The following NEUROG2 variants were observed in gnomAD, a reference collection of about 807,000 sequenced individuals.
NEUROG2 encodes neurogenin-2.
NEUROG2 carries 1 observed loss-of-function variant against 2.8 expected under a neutral mutation model. The observed-to-expected ratio is 0.36, with a 90% confidence interval of 0.13 to 1.71. The LOEUF (loss-of-function observed/expected upper bound fraction) is 1.71, where lower values mean the gene tolerates loss of function less well. Among genes scored for constraint, NEUROG2 ranks in the 40% most tolerant of loss-of-function variants. The pLI is 0.34. For synonymous variants in NEUROG2, 211 were observed against 187.7 expected (o/e 1.12, Z -1.01); for missense variants, 397 against 392.7 (o/e 1.01, Z -0.09).
In NEUROG2 at chr4:112,515,007, C is replaced by T. The variant is rs1736398853; in HGVS notation, c.469G>A (p.Ala157Thr). 1.2e-6 allele frequency: 2 copies of T among 1,613,696 alleles called. No homozygotes were observed. Among genetic ancestry groups the T allele is most frequent in the Non-Finnish European group, 1.7e-6 (2 of 1,179,894 alleles). Residue 157 changes from alanine (A) to threonine (T), a missense_variant, in exon 2 of 2, where the codon GCC (alanine) becomes ACC (threonine). Transcript: ENST00000313341. ...KLTKIETLRF[A>T]HNYIWALTET... is the part of the protein sequence containing the mutation. ...GTGAGTGCCCAGATGTAGTTGTGGGCGAAGCGCAGGGTCTCGATCTTGGTG... is the reference window on the plus strand; with the variant it reads ...GTGAGTGCCCAGATGTAGTTGTGGGTGAAGCGCAGGGTCTCGATCTTGGTG...
Position 112,515,180 on chromosome 4 carries a change from C to A in NEUROG2, c.296G>T (p.Gly99Val), listed in dbSNP as rs748184997. 1 of 1,612,534 alleles carries A rather than the reference C, an allele frequency of 6.2e-7. No homozygotes were observed. Among genetic ancestry groups the A allele is most frequent in the South Asian group, 1.1e-5 (1 of 91,080 alleles). The change falls in exon 2 of 2, where the codon GGC (glycine) becomes GTC (valine). Residue 99 changes from glycine to valine, a missense_variant. Physicochemically the swap from Gly to Val is moderately radical, Grantham distance 109 (BLOSUM62 -3). Coordinates refer to ENST00000313341, the MANE Select transcript of NEUROG2 (RefSeq NM_024019.4). ...CTGCACCGTCTCGGCCGTCTTGGCG[C>A]CTCGGGAGACGGCCCGCGCCCGGGA... ...RPSRARAVSR[G>V]AKTAETVQRI...
Position 112,514,267 on chromosome 4 carries a change from C to G in NEUROG2, c.*390G>C, listed in dbSNP as rs1212761924. On this transcript the variant is annotated 3_prime_UTR_variant, in exon 2 of 2. Coordinates refer to ENST00000313341, the MANE Select transcript of NEUROG2 (RefSeq NM_024019.4). ...AGATCACAGGAACCAGTTGCATTCC[C>G]CCTGTGAGATTCACACGAACTGCAC... is the stretch of plus-strand genomic sequence containing the variant. 4.9e-6 allele frequency: 1 copy of G among 203,156 alleles called. No homozygotes were observed. Among genetic ancestry groups the G allele is most frequent in the Non-Finnish European group, 9.8e-6 (1 of 102,078 alleles). The allele number at this position is 203,156 out of a possible 1,614,324, so 12.6% of individuals were successfully genotyped here. A position where few individuals can be genotyped will look rare whatever the true frequency, so the allele number is the denominator to read the frequency against.
chr4:112,515,247 C>T lies in NEUROG2; in HGVS notation c.229G>A (p.Ala77Thr). 5.1e-6 allele frequency: 8 copies of T among 1,583,934 alleles called. No individual in the cohort carries two copies. Among genetic ancestry groups the T allele is most frequent in the Non-Finnish European group, 6.8e-6 (8 of 1,172,224 alleles). Residue 77 changes from alanine (A) to threonine (T), a missense_variant, in exon 2 of 2, where the codon GCA becomes ACA. By Grantham distance (58) the Ala-to-Thr change is moderately conservative. Coordinates refer to ENST00000313341, the MANE Select transcript of NEUROG2 (RefSeq NM_024019.4). ...TCGTGTACCAGACCCAGCAGCCGTGCGGGCCGGCAGCCCTCCGCACCCGCA... is the reference window on the plus strand; with the variant it reads ...TCGTGTACCAGACCCAGCAGCCGTGTGGGCCGGCAGCCCTCCGCACCCGCA... ...VAAGAEGCRP[A>T]RLLGLVHDCK...
rs1419139381 is a variant in NEUROG2 at position 112,514,258 on chromosome 4, T to C, written c.*399A>G. On this transcript the variant is annotated 3_prime_UTR_variant, in exon 2 of 2. Coordinates refer to ENST00000313341, the MANE Select transcript of NEUROG2 (RefSeq NM_024019.4). ...AAGGTGAAGAGATCACAGGAACCAGTTGCATTCCCCCTGTGAGATTCACAC... is the reference window on the plus strand; with the variant it reads ...AAGGTGAAGAGATCACAGGAACCAGCTGCATTCCCCCTGTGAGATTCACAC... 2.0e-5 allele frequency: 4 copies of C among 195,380 alleles called. No individual in the cohort carries two copies. Among genetic ancestry groups the C allele is most frequent in the Admixed American group, 1.2e-4 (2 of 16,368 alleles). The allele number at this position is 195,380 out of a possible 1,614,324, so 12.1% of individuals were successfully genotyped here.
chr4:112,515,089 G>A lies in NEUROG2; in HGVS notation c.387C>T (p.Asn129=). The change falls in exon 2 of 2, where the codon AAC becomes AAT. Residue 129 remains asparagine (N), a synonymous_variant. Transcript: ENST00000313341. ...NRERNRMHNL[N]AALDALREVL... is the part of the protein sequence containing the mutation. ...CCTCGCGCAGCGCGTCCAGTGCCGC[G>A]TTGAGGTTGTGCATGCGGTTTCGCT... The A allele has an allele frequency of 1.2e-6, 2 of 1,614,032 alleles. No individual in the cohort carries two copies. Among genetic ancestry groups the A allele is most frequent in the Non-Finnish European group, 1.7e-6 (2 of 1,179,938 alleles).
Position 112,514,294 on chromosome 4 carries a change from A to T in NEUROG2, c.*363T>A. On this transcript the variant is annotated 3_prime_UTR_variant, in exon 2 of 2. Transcript: ENST00000313341. ...CTGTGAGATTCACACGAACTGCACC[A>T]AGTCCTTCGGCGTTAAAGAGAAAGG... 1 of 229,548 alleles carries T rather than the reference A, an allele frequency of 4.4e-6. No homozygotes were observed. The allele number at this position is 229,548 out of a possible 1,614,324, so 14.2% of individuals were successfully genotyped here.
chr4:112,515,123 T>A lies in NEUROG2; in HGVS notation c.353A>T (p.Asn118Ile). 6.2e-7 allele frequency: 1 copy of A among 1,613,912 alleles called. No homozygotes were observed. ...GTGCATGCGGTTTCGCTCGCGGTTG[T>A]TGGCCTTCAGTCTACGGGTCTTCTT... is the stretch of plus-strand genomic sequence containing the variant. ...RIKKTRRLKA[N>I]NRERNRMHNL... Residue 118 changes from asparagine (N) to isoleucine (I), a missense_variant, in exon 2 of 2, where the codon AAC (asparagine) becomes ATC (isoleucine). Asn to Ile is a moderately radical substitution (Grantham distance 149). Transcript: ENST00000313341.
Position 112,514,892 on chromosome 4 carries a change from C to A in NEUROG2, c.584G>T (p.Gly195Val). 1 of 1,601,776 alleles carries A rather than the reference C, an allele frequency of 6.2e-7. No homozygotes were observed. The highest frequency in any genetic ancestry group is 1.1e-5 in the South Asian group (1 of 89,910). Residue 195 changes from glycine (G) to valine (V), a missense_variant, in exon 2 of 2, where the codon GGA becomes GTA. Transcript: ENST00000313341. ...LFSEAVLLSP[G>V]GASAALSSSG... The stretch of plus-strand genomic sequence containing the variant: ...GCTGCTCAGGGCGGCGCTGGCTCCT[C>A]CCGGGCTCAGCAACACTGCCTCGGA...
At chr4:112,515,587 C>T (rs920148607) in intron 1 of NEUROG2, 111 bp from the exon 2 acceptor site, 5 of 889,926 alleles carry the variant, frequency 5.6e-6, no homozygotes, top group Non-Finnish European at 7.9e-6. Context: ...AGACCAGCTC[C>T]GAATGGCGCG....
Position 112,515,860 on chromosome 4 carries a change from A to T in NEUROG2, c.-15T>A, listed in dbSNP as rs921604752. The T allele has an allele frequency of 6.3e-6, 1 of 158,554 alleles. No individual in the cohort carries two copies. The highest frequency in any genetic ancestry group is 2.4e-5 in the African/African-American group (1 of 41,698). 9.8% of individuals were successfully genotyped at this position (158,554 alleles called of 1,614,324 possible). The stretch of plus-strand genomic sequence containing the variant: ...TCGAATACTTACTTAGTTGGCTCTA[A>T]CTGTGCCTCAGCGTTGCTGTGACTT... On this transcript the variant is annotated 5_prime_UTR_variant, in exon 1 of 2. Transcript: ENST00000313341.
rs1736385364 is a variant in NEUROG2 at position 112,514,702 on chromosome 4, C to T, written c.774G>A (p.Lys258=). ...TGGGGAGGTGAGGTGCATAGCGGTGCTTGTCGGGAGGTGGGGGCTGCCAAT... is the reference window on the plus strand; with the variant it reads ...TGGGGAGGTGAGGTGCATAGCGGTGTTTGTCGGGAGGTGGGGGCTGCCAAT... ...MDYWQPPPPD[K]HRYAPHLPIA... is the part of the protein sequence containing the mutation. Residue 258 remains lysine (K), a synonymous_variant, in exon 2 of 2, where the codon AAG becomes AAA. Transcript: ENST00000313341. 2 of 1,517,928 alleles carry T rather than the reference C, an allele frequency of 1.3e-6. No homozygotes were observed. The highest frequency in any genetic ancestry group is 1.4e-5 in the African/African-American group (1 of 71,372). The allele number at this position is 1,517,928 out of a possible 1,614,324, so 94.0% of individuals were successfully genotyped here.
At position 112,515,335 on chromosome 4, in the gene NEUROG2, C is replaced by T; in HGVS notation, c.141G>A (p.Ala47=). ...CGCGCTGCCGACGCGCCCCGCCTGACGCGCCCGGCTCCTCCTCCTCTTCTT... is the reference window on the plus strand; with the variant it reads ...CGCGCTGCCGACGCGCCCCGCCTGATGCGCCCGGCTCCTCCTCCTCTTCTT... ...ADEEEEEEPG[A]SGGARRQRGA... is the part of the protein sequence containing the mutation. Residue 47 remains alanine, a synonymous_variant, in exon 2 of 2, where the codon GCG becomes GCA. Coordinates refer to ENST00000313341, the MANE Select transcript of NEUROG2 (RefSeq NM_024019.4). 2 of 1,442,452 alleles carry T rather than the reference C, an allele frequency of 1.4e-6. No individual in the cohort carries two copies. The highest frequency in any genetic ancestry group is 1.8e-6 in the Non-Finnish European group (2 of 1,102,060). The allele number at this position is 1,442,452 out of a possible 1,614,324, so 89.4% of individuals were successfully genotyped here. A position where few individuals can be genotyped will look rare whatever the true frequency, so the allele number is the denominator to read the frequency against.
In NEUROG2 at chr4:112,514,982, G is replaced by T; in HGVS notation, c.494C>A (p.Thr165Asn). The change falls in exon 2 of 2, where the codon ACC (threonine) becomes AAC (asparagine). Residue 165 changes from threonine (T) to asparagine (N), a missense_variant. Coordinates refer to ENST00000313341, the MANE Select transcript of NEUROG2 (RefSeq NM_024019.4). The part of the protein sequence containing the change: ...RFAHNYIWAL[T>N]ETLRLADHCG... ...GTGATCCGCCAGGCGCAGGGTCTCG[G>T]TGAGTGCCCAGATGTAGTTGTGGGC... 6.2e-7 allele frequency: 1 copy of T among 1,613,742 alleles called. No homozygotes were observed.
At chr4:112,515,741 G>A (rs1736430440) in intron 1 of NEUROG2, 106 bp downstream of exon 1, 1 of 310,564 alleles carries the variant, frequency 3.2e-6, no homozygotes, top group Non-Finnish European at 5.9e-6. Flanking sequence ...AGGGACTGCG[G>A]CCTCCGCGAC....
Position 112,515,201 on chromosome 4 carries a change from C to A in NEUROG2, c.275G>T (p.Arg92Leu). 1 of 1,609,644 alleles carries A rather than the reference C, an allele frequency of 6.2e-7. No homozygotes were observed. Among genetic ancestry groups the A allele is most frequent in the Non-Finnish European group, 8.5e-7 (1 of 1,179,626 alleles). Residue 92 changes from arginine (R) to leucine (L), a missense_variant, in exon 2 of 2, where the codon CGG becomes CTG. Arg to Leu is a moderately radical substitution (Grantham distance 102). Transcript: ENST00000313341. ...GGCGCCTCGGGAGACGGCCCGCGCC[C>A]GGGAAGGGCGCCGTTTGCAATCGTG... ...LVHDCKRRPS[R>L]ARAVSRGAKT...
In NEUROG2 at chr4:112,515,866, C is replaced by T; in HGVS notation, c.-21G>A. 6.4e-6 allele frequency: 1 copy of T among 157,380 alleles called. No homozygotes were observed. Among genetic ancestry groups the T allele is most frequent in the South Asian group, 2.0e-4 (1 of 5,090 alleles). 9.7% of individuals were successfully genotyped at this position (157,380 alleles called of 1,614,324 possible). On this transcript the variant is annotated 5_prime_UTR_variant, in exon 1 of 2. Transcript: ENST00000313341. ...ACTTACTTAGTTGGCTCTAACTGTG[C>T]CTCAGCGTTGCTGTGACTTTGGCCT...
chr4:112,514,535 C>A lies in NEUROG2; in HGVS notation c.*122G>T. The A allele has an allele frequency of 2.7e-6, 2 of 742,236 alleles. No homozygotes were observed. Among genetic ancestry groups the A allele is most frequent in the Non-Finnish European group, 4.1e-6 (2 of 493,510 alleles). 46.0% of individuals were successfully genotyped at this position (742,236 alleles called of 1,614,324 possible). On this transcript the variant is annotated 3_prime_UTR_variant, in exon 2 of 2. Coordinates refer to ENST00000313341, the MANE Select transcript of NEUROG2 (RefSeq NM_024019.4). ...CGAGGAATCAGAAAGGCTACACCTG[C>A]CCTGTGAAGTGAGATGGTTTCCAGG...
rs1385307904 is a variant in NEUROG2 at position 112,514,334 on chromosome 4, C to A, written c.*323G>T. 6.9e-6 allele frequency: 2 copies of A among 291,886 alleles called. No homozygotes were observed. Among genetic ancestry groups the A allele is most frequent in the Non-Finnish European group, 6.3e-6 (1 of 158,826 alleles). The allele number at this position is 291,886 out of a possible 1,614,324, so 18.1% of individuals were successfully genotyped here. A position where few individuals can be genotyped will look rare whatever the true frequency, so the allele number is the denominator to read the frequency against. ...AAAGAGAAAGGGGAGGAGCGTCAGT[C>A]CGCTCTGCAAACTCTTTAGATATGC... On this transcript the variant is annotated 3_prime_UTR_variant, in exon 2 of 2. Transcript: ENST00000313341.
Position 112,515,139 on chromosome 4 carries a change from G to T in NEUROG2, c.337C>A (p.Arg113Ser), listed in dbSNP as rs757004773. The T allele has an allele frequency of 6.2e-7, 1 of 1,613,658 alleles. No individual in the cohort carries two copies. Among genetic ancestry groups the T allele is most frequent in the South Asian group, 1.1e-5 (1 of 91,090 alleles). ...AETVQRIKKTRRLKANNRERN... is the reference protein window; with the variant it reads ...AETVQRIKKTSRLKANNRERN... ...TCGCGGTTGTTGGCCTTCAGTCTAC[G>T]GGTCTTCTTGATGCGCTGCACCGTC... Residue 113 changes from arginine (R) to serine (S), a missense_variant, in exon 2 of 2, where the codon CGT becomes AGT. Arg to Ser is a moderately radical substitution (Grantham distance 110). Transcript: ENST00000313341.
Sources: gnomAD v4.1 joint callset for allele counts on GRCh38, gnomAD v4.1.1 for gene constraint, MANE v1.5 for transcripts, NCBI Gene and HGNC (gene_info 2026-07-23, HGNC 2026-07-21) for gene names.